VRTN: variants seen among roughly 807,000 people sequenced by gnomAD.
VRTN encodes the protein vertebrae development associated, also known as vertnin.
Under a neutral mutation model 18.2 loss-of-function variants are expected in VRTN, and 5 were observed. The ratio of observed to expected loss-of-function variants is 0.27; its 90% CI spans 0.14 to 0.58. The LOEUF (loss-of-function observed/expected upper bound fraction) is 0.58. Ranked by LOEUF, VRTN falls within the 20% of genes least tolerant of loss-of-function variation. The probability of loss-of-function intolerance (pLI) is 0.91; values close to 1 mark genes in which losing one functional copy is unlikely to be tolerated. For synonymous variants in VRTN, 381 were observed against 393.7 expected (o/e 0.97, Z 0.38); for missense variants, 741 against 939.4 (o/e 0.79, Z 2.76).
chr14:74,309,459 G>A (rs1327687944), intron 1 of VRTN, among the ~76,000 whole-genome samples: 1 of 152,164 alleles, frequency 6.6e-6, no homozygotes, highest in African/African-American at 2.4e-5. Context: ...GTGCACAAAT[G>A]TAAACCAAAT....
rs372405051 is a variant in VRTN at position 74,357,430 on chromosome 14, C to A, written c.647C>A (p.Ser216Tyr). The change falls in exon 2 of 2, where the codon TCC (serine) becomes TAC (tyrosine). Residue 216 changes from serine (S) to tyrosine (Y), a missense_variant. Ser to Tyr is a moderately radical substitution (Grantham distance 144, BLOSUM62 -2). Coordinates refer to ENST00000256362, the MANE Select transcript of VRTN (RefSeq NM_018228.3). This position sits in a 1 kb window ranked among gnomAD's most constrained non-coding sequence, Gnocchi z 7.8. ...IRPRRCDHVP[S>Y]TLHIMWAGQP... is the part of the protein sequence containing the mutation. ...CCCCGCCGCTGCGACCACGTGCCCT[C>A]CACGCTGCACATCATGTGGGCTGGC... 7 of 1,612,298 alleles carry A rather than the reference C, an allele frequency of 4.3e-6. No homozygotes were observed. In the African/African-American group the frequency reaches 9.3e-5, roughly 22 times the overall value.
chr14:74,320,354 G>A (rs1421685590), intron 1 of VRTN, among the ~76,000 whole-genome samples: 1 of 139,824 alleles, frequency 7.2e-6, no homozygotes, highest in Non-Finnish European at 1.5e-5. Flanking sequence ...TCTGCCTCCC[G>A]GGTTCACGCC....
chr14:74,306,188 T>G (rs1337639529), intron 1 of VRTN: 2 of 126,460 alleles, frequency 1.6e-5, no homozygotes, highest in Admixed American at 8.3e-5. Flanking sequence ...TTTTTTTTTT[T>G]GAGACAGAGT....
intron 1 of VRTN, among the ~76,000 whole-genome samples, chr14:74,332,353 T>G (rs1187993821): frequency 2.5e-5 from 3 of 118,034 alleles, no homozygotes; most frequent in East Asian, 2.2e-4. Context: ...TTTTTTTTTT[T>G]TTTTTTTTTT....
At position 74,324,327 on chromosome 14, in the gene VRTN, G is replaced by A. The variant is rs543971956; in HGVS notation, c.-163-13396G>A. 7.0e-5 allele frequency among the ~76,000 whole-genome samples: 10 copies of A among 142,910 alleles called. No individual in the cohort carries two copies. In the South Asian group the frequency reaches 2.0e-3, roughly 29 times the overall value. 93.8% of individuals were successfully genotyped at this position (142,910 alleles called of 152,430 possible). Reference sequence around the variant, plus strand: ...CGCTTGAACCCGGGAGGCAGAGGTTGCAGTGAGCTGAGATGGCACCACTGC... The same window carrying A: ...CGCTTGAACCCGGGAGGCAGAGGTTACAGTGAGCTGAGATGGCACCACTGC... On this transcript the variant is annotated intron_variant, in intron 1 of 2. Transcript: ENST00000557177.
intron 2 of VRTN, among the ~76,000 whole-genome samples, chr14:74,340,302 G>A (rs757349455): frequency 2.0e-5 from 3 of 152,148 alleles, no homozygotes; most frequent in Non-Finnish European, 2.9e-5. Context: ...AGTAGAGACG[G>A]TGTTTCTCCA....
chr14:74,337,200 G>A (rs956108431), intron 1 of VRTN, among the ~76,000 whole-genome samples: 7 of 152,140 alleles, frequency 4.6e-5, no homozygotes, highest in African/African-American at 1.4e-4. Context: ...AAAATTAGCT[G>A]GGCATGGTGG....
upstream of VRTN, among the ~76,000 whole-genome samples, chr14:74,344,426 A>AT (rs1555411639): frequency 2.1e-5 from 3 of 144,836 alleles, no homozygotes; most frequent in Admixed American, 1.4e-4. Context: ...AAAAAAAAAA[A>AT]GTGTTCACTG....
chr14:74,352,765 AC>A (rs1438917133), intron 1 of VRTN, among the ~76,000 whole-genome samples: 1 of 152,194 alleles, frequency 6.6e-6, no homozygotes, highest in Non-Finnish European at 1.5e-5. Context: ...CCATTTTTAA[AC>A]CTAAGGGTCA....
intron 1 of VRTN, among the ~76,000 whole-genome samples, chr14:74,355,141 CA>C (rs34077833): frequency 0.62 from 66,796 of 108,344 alleles, 18,660 homozygotes; most frequent in African/African-American, 0.73. Flanking sequence ...GACTCAGTCT[CA>C]AAAAAAAAAA....
intron 1 of VRTN, among the ~76,000 whole-genome samples, chr14:74,353,306 GTGTT>G (rs1567045811): frequency 6.6e-6 from 1 of 152,054 alleles, no homozygotes; most frequent in Admixed American, 6.6e-5. Flanking sequence ...AAGAAAAAAA[GTGTT>G]TGGTTTCAAC....
At chr14:74,332,493 T>TA (rs1259130368) in intron 1 of VRTN, among the ~76,000 whole-genome samples, 30 of 151,734 alleles carry the variant, frequency 2.0e-4, no homozygotes, top group Non-Finnish European at 5.9e-5. Flanking sequence ...TAGCTGCGAT[T>TA]ACAGGTATGT....
upstream of VRTN, among the ~76,000 whole-genome samples, chr14:74,345,706 C>T (rs1450003558): frequency 1.1e-4 from 17 of 150,068 alleles, 1 homozygote; most frequent in South Asian, 1.1e-3. Context: ...GGTGGATCAC[C>T]TGTGGTCAGG....
intron 1 of VRTN, among the ~76,000 whole-genome samples, chr14:74,320,139 C>T (rs1290888581): frequency 6.6e-6 from 1 of 151,958 alleles, no homozygotes; most frequent in Non-Finnish European, 1.5e-5. Context: ...GCTGCTCCCA[C>T]TACAGGAAGC....
intron 1 of VRTN, among the ~76,000 whole-genome samples, chr14:74,320,563 CTTTTTTTTTTTTTTTTTTTTTTTTT>C (rs35884901): frequency 2.7e-4 from 12 of 45,028 alleles, no homozygotes; most frequent in East Asian, 6.2e-4. Flanking sequence ...CGCCCGGCCT[CTTTTTTTTTTTTTTTTTTTTTTTTT>C]TTTTTTTTTT....
chr14:74,326,940 T>A (rs951696813), intron 1 of VRTN, among the ~76,000 whole-genome samples: 3 of 151,300 alleles, frequency 2.0e-5, no homozygotes, highest in African/African-American at 7.3e-5. Flanking sequence ...AAGGTGTAGA[T>A]CCTTTGTCTA....
rs117058496 is a variant in VRTN at position 74,308,393 on chromosome 14, A to T, written c.-164+5217A>T. ...TTATCTCATTTTCATGTCCTTCTGC[A>T]AAACCTTCTAACTGGATTTCTACAC... On this transcript the variant is annotated intron_variant, in intron 1 of 2. Coordinates refer to the VRTN transcript ENST00000557177. Among the ~76,000 whole-genome samples the T allele has an allele frequency of 8.3e-3, 1,264 of 152,352 alleles. 11 individuals are homozygous for T. Among genetic ancestry groups the T allele is most frequent in the Non-Finnish European group, 0.014 (919 of 68,032 alleles).
chr14:74,353,698 A>C (rs1167824522), intron 1 of VRTN, among the ~76,000 whole-genome samples: 1 of 152,172 alleles, frequency 6.6e-6, no homozygotes, highest in Non-Finnish European at 1.5e-5. Context: ...CATTTTTATG[A>C]GAAGTGACAT....
At chr14:74,321,820 A>T (rs544057091) in intron 1 of VRTN, among the ~76,000 whole-genome samples, 79 of 138,518 alleles carry the variant, frequency 5.7e-4, no homozygotes, top group South Asian at 1.2e-3. Context: ...TTGCATTTTT[A>T]AAATGTATTT....
Sources: allele counts gnomAD v4.1 joint callset (sites outside exome capture counted in the v4.1 genomes callset), GRCh38; gene constraint gnomAD v4.1.1; non-coding constraint Gnocchi (gnomAD v3.1); transcripts MANE v1.5; gene names NCBI Gene and HGNC (gene_info 2026-07-23, HGNC 2026-07-21).